LRRC75A: variants seen among roughly 807,000 people sequenced by gnomAD.
LRRC75A encodes the protein leucine-rich repeat-containing protein 75A.
Under a neutral mutation model 26.0 loss-of-function variants are expected in LRRC75A, and 12 were observed. The ratio of observed to expected loss-of-function variants is 0.46; its 90% CI spans 0.30 to 0.75. The LOEUF is 0.75. LRRC75A is among the 30% of genes least tolerant of loss of function. The pLI is 0.08. For missense variants in LRRC75A, 410 were observed against 486.6 expected, an observed-to-expected ratio of 0.84 and a Z score of 1.48; for synonymous variants, 223 against 219.3, an observed-to-expected ratio of 1.02 and a Z score of -0.15.
chr17:16,465,909 G>C (rs2093764935), intron 1 of LRRC75A, among the ~76,000 whole-genome samples: 1 of 152,214 alleles, frequency 6.6e-6, no homozygotes, highest in African/African-American at 2.4e-5. Context: ...GCAGCTCAGG[G>C]TCACTGTGAG....
In LRRC75A at chr17:16,444,145, G is replaced by A. The variant is rs1342107548; in HGVS notation, c.492-14C>T. On this transcript the variant is annotated splice_polypyrimidine_tract_variant and intron_variant, in intron 3 of 3. Coordinates refer to ENST00000470794, the MANE Select transcript of LRRC75A (RefSeq NM_001113567.3). ...ACAGCCTTGAGGCTGAAGGGAAAAA[G>A]GACAAACAAGGCTCAGGCACATAGG... The A allele has an allele frequency of 6.4e-7, 1 of 1,569,708 alleles. No homozygotes were observed. The highest frequency in any genetic ancestry group is 1.2e-5 in the South Asian group (1 of 86,180).
At chr17:16,466,158 C>G (rs1228721939) in intron 1 of LRRC75A, among the ~76,000 whole-genome samples, 1 of 152,222 alleles carries the variant, frequency 6.6e-6, no homozygotes, top group Non-Finnish European at 1.5e-5. Context: ...CTCCATCCCC[C>G]CTCCCCTAAG....
At position 16,443,494 on chromosome 17, in the gene LRRC75A, T is replaced by A. The variant is rs970129761; in HGVS notation, c.*94A>T. On this transcript the variant is annotated 3_prime_UTR_variant, in exon 4 of 4. Coordinates refer to ENST00000470794, the MANE Select transcript of LRRC75A (RefSeq NM_001113567.3). ...TGGCCCAGGCCAATTTTTGGCAATA[T>A]CCTTAACCCACCTGATAGGAGAAGC... 1.2e-5 allele frequency: 15 copies of A among 1,256,460 alleles called. No homozygotes were observed. In the African/African-American group the frequency reaches 2.1e-4, roughly 18 times the overall value. 77.8% of individuals were successfully genotyped at this position (1,256,460 alleles called of 1,614,324 possible).
Position 16,441,581 on chromosome 17 carries a change from T to G in LRRC75A, c.*2007A>C, listed in dbSNP as rs1212335671. On this transcript the variant is annotated 3_prime_UTR_variant, in exon 4 of 4. Coordinates refer to ENST00000470794, the MANE Select transcript of LRRC75A (RefSeq NM_001113567.3). ...ACATTCTTGAGTTTTTTTGGGTTTT[T>G]TTTTTTTTTTTTGAGACAGTCTTGC... 12 of 358,124 alleles carry G rather than the reference T, an allele frequency of 3.4e-5. No homozygotes were observed. The highest frequency in any genetic ancestry group is 4.4e-5 in the Non-Finnish European group (8 of 182,784). 22.2% of individuals were successfully genotyped at this position (358,124 alleles called of 1,614,324 possible). A position where few individuals can be genotyped will look rare whatever the true frequency, so the allele number is the denominator to read the frequency against.
chr17:16,486,663 A>C (rs1168796032), intron 1 of LRRC75A, among the ~76,000 whole-genome samples: 1 of 152,152 alleles, frequency 6.6e-6, no homozygotes, highest in Non-Finnish European at 1.5e-5. Flanking sequence ...CCCAGACTGC[A>C]CCTGCCGGAT....
chr17:16,455,171 G>A (rs2093666961), intron 2 of LRRC75A, among the ~76,000 whole-genome samples: 1 of 152,136 alleles, frequency 6.6e-6, no homozygotes, highest in African/African-American at 2.4e-5. Flanking sequence ...GACCTCAGAC[G>A]ATCCGCCTGC....
chr17:16,449,006 G>T (rs1291881421), intron 2 of LRRC75A, among the ~76,000 whole-genome samples: 1 of 152,224 alleles, frequency 6.6e-6, no homozygotes, highest in Non-Finnish European at 1.5e-5. Flanking sequence ...AGCCAAACTC[G>T]TGCTGGACAG....
At chr17:16,452,785 G>A (rs768479218) in intron 2 of LRRC75A, among the ~76,000 whole-genome samples, 156 of 152,160 alleles carry the variant, frequency 1.0e-3, no homozygotes, top group Non-Finnish European at 1.8e-3. Context: ...CAGCTGAGGT[G>A]GAGAAGCACT....
chr17:16,486,822 T>C (rs573243214), intron 1 of LRRC75A, among the ~76,000 whole-genome samples: 1 of 152,338 alleles, frequency 6.6e-6, no homozygotes, highest in South Asian at 2.1e-4. Flanking sequence ...CTGTGTCTCA[T>C]GACAGTACTA....
chr17:16,450,175 T>C (rs756276847), intron 2 of LRRC75A, among the ~76,000 whole-genome samples: 2 of 152,182 alleles, frequency 1.3e-5, no homozygotes, highest in Non-Finnish European at 2.9e-5. Context: ...CCCAAGGCAG[T>C]AGATACTTTC....
At chr17:16,447,006 C>G (rs1460652189) in intron 3 of LRRC75A, 1 of 337,042 alleles carries the variant, frequency 3.0e-6, no homozygotes, top group East Asian at 1.1e-4. Flanking sequence ...AGGGGGACAG[C>G]CCTTCCTTCC....
intron 1 of LRRC75A, among the ~76,000 whole-genome samples, chr17:16,485,682 G>GTGTGTTCA (rs2093845508): frequency 1.4e-5 from 1 of 69,764 alleles, no homozygotes; most frequent in South Asian, 3.7e-4. Flanking sequence ...GTGTGTGTGT[G>GTGTGTTCA]TGTGTGTGTG....
Position 16,491,635 on chromosome 17 carries a change from G to A in LRRC75A, c.246+110C>T. ...TCCATCCCCGCGGAAGGGGCCCCTG[G>A]GCGGTGCCCCTCGGTGCCCCCGGCT... On this transcript the variant is annotated intron_variant, in intron 1 of 3. Coordinates refer to ENST00000470794, the MANE Select transcript of LRRC75A (RefSeq NM_001113567.3). This position sits in a 1 kb window ranked among gnomAD's most constrained non-coding sequence, Gnocchi z 5.9. The A allele has an allele frequency of 2.5e-6, 2 of 790,538 alleles. No individual in the cohort carries two copies. The highest frequency in any genetic ancestry group is 3.9e-5 in the East Asian group (1 of 25,820). 49.0% of individuals were successfully genotyped at this position (790,538 alleles called of 1,614,324 possible).
intron 3 of LRRC75A, among the ~76,000 whole-genome samples, chr17:16,444,413 T>C (rs1214145825): frequency 3.3e-5 from 5 of 152,166 alleles, no homozygotes; most frequent in Non-Finnish European, 5.9e-5. Context: ...TGGGCTGATA[T>C]ATGGAAGAAG....
intron 2 of LRRC75A, among the ~76,000 whole-genome samples, chr17:16,449,291 G>A (rs1419866378): frequency 6.6e-6 from 1 of 152,184 alleles, no homozygotes; most frequent in Admixed American, 6.5e-5. Flanking sequence ...ATTGAGTAGT[G>A]AAGAGCAAAG....
At chr17:16,487,263 G>A (rs1017009913) in intron 1 of LRRC75A, among the ~76,000 whole-genome samples, 1 of 152,332 alleles carries the variant, frequency 6.6e-6, no homozygotes, top group South Asian at 2.1e-4. Flanking sequence ...CCCCTGCTCG[G>A]TGTCTGGTAG....
intron 1 of LRRC75A, among the ~76,000 whole-genome samples, chr17:16,490,953 A>G (rs2093855907): frequency 6.6e-6 from 1 of 152,258 alleles, no homozygotes; most frequent in Non-Finnish European, 1.5e-5. Context: ...TGACAAAGGA[A>G]AACAAGCCAC....
At position 16,462,316 on chromosome 17, in the gene LRRC75A, T is replaced by A; in HGVS notation, c.317A>T (p.Asp106Val). ...GATGATGAGGTCGTGTGTGATGGGG[T>A]CCACCAGGTTCCGGAAGCTGGCGTA... ...YRYASFRNLV[D>V]PITHDLIISL... Residue 106 changes from aspartate (D) to valine (V), a missense_variant, in exon 2 of 4, where the codon GAC becomes GTC. Transcript: ENST00000470794. This position sits in a 1 kb window ranked among gnomAD's most constrained non-coding sequence, Gnocchi z 4.6. The A allele has an allele frequency of 1.9e-6, 3 of 1,614,032 alleles. No individual in the cohort carries two copies. The highest frequency in any genetic ancestry group is 2.5e-6 in the Non-Finnish European group (3 of 1,180,018).
chr17:16,489,024 T>C (rs969884878), intron 1 of LRRC75A, among the ~76,000 whole-genome samples: 1 of 152,168 alleles, frequency 6.6e-6, no homozygotes, highest in Non-Finnish European at 1.5e-5. Flanking sequence ...TTGGAGTCTG[T>C]AGCTGGGTTT....
Sources: gnomAD v4.1 joint callset for allele counts (sites outside exome capture counted in the v4.1 genomes callset) on GRCh38, gnomAD v4.1.1 for gene constraint, Gnocchi (gnomAD v3.1) non-coding constraint, MANE v1.5 for transcripts, NCBI Gene and HGNC (gene_info 2026-07-23, HGNC 2026-07-21) for gene names.